The following COX14 variants were observed in gnomAD, a reference collection of about 807,000 sequenced individuals.
COX14 encodes cytochrome c oxidase assembly factor COX14.
Under a neutral mutation model 5.8 loss-of-function variants are expected in COX14, and 3 were observed. The observed-to-expected ratio is 0.51, with a 90% CI of 0.23 to 1.33. The LOEUF (loss-of-function observed/expected upper bound fraction) is 1.33. COX14 is among the 40% of genes most tolerant of loss of function. The pLI is 0.18. For synonymous variants in COX14, 25 were observed against 26.1 expected, an observed-to-expected ratio of 0.96 and a Z score of 0.13; for missense variants, 72 against 72.1, an observed-to-expected ratio of 1.00 and a Z score of 0.01.
chr12:50,112,508 C>G, intron 1 of COX14: 13 of 983,150 alleles, frequency 1.3e-5, no homozygotes, highest in Non-Finnish European at 1.4e-5. Flanking sequence ...GTCAGTCTTG[C>G]TAGAGCTCAG....
At chr12:50,112,942 T>TGTTATGTTAC (rs1229204167) in intron 1 of COX14, 1 of 151,936 alleles carries the variant, frequency 6.6e-6, no homozygotes, top group Non-Finnish European at 1.5e-5. Flanking sequence ...TGTTATGTTA[T>TGTTATGTTAC]GTTATTTTGA....
chr12:50,112,436 T>C, intron 1 of COX14, 135 bp downstream of exon 1: 1 of 985,952 alleles, frequency 1.0e-6, no homozygotes, highest in Non-Finnish European at 1.2e-6. Flanking sequence ...CCCGCTTCTG[T>C]TGCGTTGCGG....
At chr12:50,114,584 T>G (rs1168361053) in intron 1 of COX14, among the ~76,000 whole-genome samples, 1 of 151,810 alleles carries the variant, frequency 6.6e-6, no homozygotes, top group Non-Finnish European at 1.5e-5. Context: ...TCTCCTTAAT[T>G]GTTGCCTTCT....
At chr12:50,118,477 A>G (rs1413894995) in intron 1 of COX14, 2 of 979,464 alleles carry the variant, frequency 2.0e-6, no homozygotes, top group East Asian at 1.1e-4. Context: ...AAAAATAAAT[A>G]TGTATTTTTG....
At chr12:50,113,343 G>A (rs1290337249) in intron 1 of COX14, among the ~76,000 whole-genome samples, 4 of 144,940 alleles carry the variant, frequency 2.8e-5, no homozygotes, top group African/African-American at 7.8e-5. Context: ...TTGCTCTGTC[G>A]CCCAGGCTGG....
At chr12:50,115,425 C>T (rs1951072399) in intron 1 of COX14, among the ~76,000 whole-genome samples, 1 of 151,044 alleles carries the variant, frequency 6.6e-6, no homozygotes, top group Admixed American at 6.6e-5. Flanking sequence ...CCGTGTTAGC[C>T]AGGATGGTCT....
At chr12:50,116,895 C>T (rs770515832) in intron 1 of COX14, among the ~76,000 whole-genome samples, 12 of 152,216 alleles carry the variant, frequency 7.9e-5, no homozygotes, top group Non-Finnish European at 1.6e-4. Context: ...GGGGTCCACA[C>T]TCAAGACCTG....
intron 1 of COX14, among the ~76,000 whole-genome samples, chr12:50,114,855 CCTCCTGGGTTCAAGCAATT>C (rs1951065907): frequency 7.1e-6 from 1 of 141,346 alleles, no homozygotes; most frequent in Non-Finnish European, 1.5e-5. Context: ...GCAACTTCCG[CCTCCTGGGTTCAAGCAATT>C]CTCCTGCGTC....
Position 50,113,451 on chromosome 12 carries a change from C to T in COX14, c.-9+1150C>T, listed in dbSNP as rs894689705. ...CCAGAGTAGCTGGGACTACAGGTGC[C>T]CGCCACCACGCCCGGCTAATTTTTT... is the stretch of plus-strand genomic sequence containing the variant. On this transcript the variant is annotated intron_variant, in intron 1 of 1. Transcript: ENST00000550487. Among the ~76,000 whole-genome samples the T allele has an allele frequency of 2.7e-5, 4 of 146,010 alleles. No homozygotes were observed. The East Asian group carries it at 8.4e-4, about 31-fold the overall frequency.
At chr12:50,113,294 G>T (rs912370967) in intron 1 of COX14, among the ~76,000 whole-genome samples, 2 of 148,412 alleles carry the variant, frequency 1.3e-5, no homozygotes, top group Admixed American at 6.9e-5. Context: ...CTACCCATAC[G>T]TTTACGCAAT....
intron 1 of COX14, among the ~76,000 whole-genome samples, chr12:50,116,171 C>T (rs1951079366): frequency 6.6e-6 from 1 of 150,976 alleles, no homozygotes; most frequent in African/African-American, 2.4e-5. Context: ...TGGCTCACTG[C>T]AACCTCTGCC....
At chr12:50,118,411 T>A (rs931813467) in intron 1 of COX14, 1 of 984,784 alleles carries the variant, frequency 1.0e-6, no homozygotes, top group South Asian at 4.7e-5. Context: ...TCGTGCAGCT[T>A]GCACATACCC....
intron 1 of COX14, among the ~76,000 whole-genome samples, chr12:50,116,004 T>G (rs1951077569): frequency 6.6e-6 from 1 of 152,228 alleles, no homozygotes. Context: ...TTCGCTCCAT[T>G]GATAAATCCT....
chr12:50,112,538 C>G (rs1424013545), intron 1 of COX14: 6 of 928,064 alleles, frequency 6.5e-6, no homozygotes, highest in Non-Finnish European at 7.7e-6. Context: ...TGTCAAACCT[C>G]GACTCCTGCC....
rs112442737 is a variant in COX14, at chr12:50,118,715, C to T, written c.-8-1321C>T. Among the ~76,000 whole-genome samples the T allele has an allele frequency of 8.5e-4, 129 of 152,130 alleles. 1 individual carries two copies. The highest frequency in any genetic ancestry group is 1.7e-3 in the Non-Finnish European group (115 of 67,992). On this transcript the variant is annotated intron_variant, in intron 1 of 1. Coordinates refer to ENST00000550487, the MANE Select transcript of COX14 (RefSeq NM_032901.4). ...CTGGGAGGTGGAGGTTGCAGTGAGC[C>T]GAGATCGTGCCACTGCACTCCAGCC...
At chr12:50,118,814 T>C (rs1951105559) in intron 1 of COX14, among the ~76,000 whole-genome samples, 1 of 152,178 alleles carries the variant, frequency 6.6e-6, no homozygotes, top group African/African-American at 2.4e-5. Flanking sequence ...TTTTATTTTA[T>C]TGAGGTAGTC....
chr12:50,117,600 A>G (rs1444627325), intron 1 of COX14, among the ~76,000 whole-genome samples: 1 of 139,104 alleles, frequency 7.2e-6, no homozygotes, highest in African/African-American at 2.7e-5. Flanking sequence ...TTTTTTTGAG[A>G]CGGTGTCTCA....
chr12:50,113,173 C>G (rs1951045664), intron 1 of COX14, among the ~76,000 whole-genome samples: 1 of 151,860 alleles, frequency 6.6e-6, no homozygotes, highest in South Asian at 2.1e-4. Context: ...CCGTACCCGG[C>G]CGATGTACTA....
intron 1 of COX14, among the ~76,000 whole-genome samples, chr12:50,113,785 A>T (rs1340740777): frequency 6.6e-5 from 10 of 151,716 alleles, no homozygotes; most frequent in African/African-American, 2.4e-4. Flanking sequence ...GGCATGTGCC[A>T]CCATGCCTGG....
Sources: allele counts gnomAD v4.1 joint callset (sites outside exome capture counted in the v4.1 genomes callset), GRCh38; gene constraint gnomAD v4.1.1; transcripts MANE v1.5; gene names NCBI Gene and HGNC (gene_info 2026-07-23, HGNC 2026-07-21).